The following DYNC2I1 variants were observed in gnomAD, a reference collection of about 807,000 sequenced individuals.
DYNC2I1 encodes dynein 2 intermediate chain 1.
DYNC2I1 carries 89 observed loss-of-function variants against 133.4 expected under a neutral mutation model. That is an observed-to-expected ratio of 0.67 (90% CI 0.56 to 0.80). DYNC2I1 has a LOEUF of 0.80. DYNC2I1 is among the 30% of genes least tolerant of loss of function. The pLI is 0.00. For missense variants in DYNC2I1, 1,291 were observed against 1,314.5 expected, an observed-to-expected ratio of 0.98 and a Z score of 0.28; for synonymous variants, 504 against 484.3, an observed-to-expected ratio of 1.04 and a Z score of -0.54.
Position 158,856,595 on chromosome 7 carries a change from G to C in DYNC2I1, c.-141G>C, listed in dbSNP as rs1174011187. 11 of 861,934 alleles carry C rather than the reference G, an allele frequency of 1.3e-5. No individual in the cohort carries two copies. The South Asian group carries it at 6.7e-4, about 52-fold the overall frequency. The allele number at this position is 861,934 out of a possible 1,614,324, so 53.4% of individuals were successfully genotyped here. On this transcript the variant is annotated 5_prime_UTR_variant, in exon 1 of 25. Transcript: ENST00000407559. Reference sequence around the variant, plus strand: ...AGGGCACGCTGGGCAGTGCTTCTGGGCCCTCTGCTGCTCCTGCTTGTCGGT... The same window carrying C: ...AGGGCACGCTGGGCAGTGCTTCTGGCCCCTCTGCTGCTCCTGCTTGTCGGT...
In DYNC2I1 at chr7:158,879,993, C is replaced by A; in HGVS notation, c.879+4C>A. On this transcript the variant is annotated splice_donor_region_variant and intron_variant, in intron 5 of 24. Coordinates refer to ENST00000407559, the MANE Select transcript of DYNC2I1 (RefSeq NM_018051.5). ...GCCCAGGAAAAGGGAATCCCAGGTA[C>A]CCCTTCTGATGCTTCGTTGCCTTAG... is the stretch of plus-strand genomic sequence containing the variant. The A allele has an allele frequency of 1.3e-6, 2 of 1,584,436 alleles. No individual in the cohort carries two copies. The highest frequency in any genetic ancestry group is 1.7e-6 in the Non-Finnish European group (2 of 1,170,058).
downstream of DYNC2I1, among the ~76,000 whole-genome samples, chr7:158,948,112 A>G (rs1377795330): frequency 1.3e-5 from 2 of 152,190 alleles, no homozygotes; most frequent in South Asian, 2.1e-4. Context: ...GGGATCTTCC[A>G]GAGGAAGGTG....
chr7:158,905,696 A>C (rs1333051928), intron 10 of DYNC2I1, among the ~76,000 whole-genome samples: 1 of 151,900 alleles, frequency 6.6e-6, no homozygotes. Flanking sequence ...AATGGGCGGG[A>C]TGGGGGCTTA....
At position 158,941,824 on chromosome 7, in the gene DYNC2I1, C is replaced by T. The variant is rs908817746; in HGVS notation, c.2779-101C>T. On this transcript the variant is annotated intron_variant, in intron 23 of 24. Transcript: ENST00000407559. ...GCCCGGGAGGTCAAGCTGCCATGAG[C>T]TGTGATTGCACCACTGCACTCCAGG... 6 of 1,368,906 alleles carry T rather than the reference C, an allele frequency of 4.4e-6. No individual in the cohort carries two copies. In the Admixed American group the frequency reaches 1.0e-4, roughly 23 times the overall value. 84.8% of individuals were successfully genotyped at this position (1,368,906 alleles called of 1,614,324 possible).
intron 8 of DYNC2I1, among the ~76,000 whole-genome samples, chr7:158,898,087 A>C (rs28870528): frequency 0.022 from 3,334 of 152,270 alleles, 116 homozygotes; most frequent in African/African-American, 0.075. Flanking sequence ...GTGTGATTCC[A>C]TTGTGACCTG....
At chr7:158,854,692 T>G (rs536771045), upstream of DYNC2I1, among the ~76,000 whole-genome samples, 1 of 152,304 alleles carries the variant, frequency 6.6e-6, no homozygotes, top group East Asian at 1.9e-4. Flanking sequence ...CTGTTATCTT[T>G]CTTTCAAAGT....
chr7:158,917,756 C>T (rs1399159238), intron 14 of DYNC2I1, among the ~76,000 whole-genome samples: 1 of 152,154 alleles, frequency 6.6e-6, no homozygotes, highest in African/African-American at 2.4e-5. Context: ...CCTTTTCTTG[C>T]CCGTTCCCAT....
chr7:158,944,189 G>GGCAGGGCCC (rs1232873127), intron 24 of DYNC2I1, among the ~76,000 whole-genome samples: 1 of 152,180 alleles, frequency 6.6e-6, no homozygotes, highest in African/African-American at 2.4e-5. Flanking sequence ...GTGGGGAACA[G>GGCAGGGCCC]GCAGGGCCCT....
chr7:158,868,319 A>G lies in DYNC2I1; in HGVS notation c.16-1536A>G, dbSNP rs545563059. The stretch of plus-strand genomic sequence containing the variant: ...CGGCACGCACAGTGTGGATTCTCTA[A>G]TGGCTGGTGGTCGTGAGGCGCTGCG... On this transcript the variant is annotated intron_variant, in intron 1 of 24. Transcript: ENST00000407559. Among the ~76,000 whole-genome samples, 3 of 152,212 alleles carry G rather than the reference A, an allele frequency of 2.0e-5. No homozygotes were observed. In the South Asian group the frequency reaches 6.2e-4, roughly 32 times the overall value.
At chr7:158,934,056 C>T in intron 21 of DYNC2I1, 73 bp from the exon 22 acceptor site, 1 of 1,029,596 alleles carries the variant, frequency 9.7e-7, no homozygotes, top group Non-Finnish European at 1.5e-6. Context: ...TAGTGCAAAT[C>T]AGTGTTAATA....
intron 8 of DYNC2I1, among the ~76,000 whole-genome samples, chr7:158,899,486 TC>T (rs1465437473): frequency 6.6e-6 from 1 of 152,236 alleles, no homozygotes; most frequent in African/African-American, 2.4e-5. Flanking sequence ...TTCCATCTTT[TC>T]TTTTTTTTAT....
downstream of DYNC2I1, among the ~76,000 whole-genome samples, chr7:158,950,829 A>G (rs1852032835): frequency 6.7e-6 from 1 of 149,872 alleles, no homozygotes; most frequent in East Asian, 2.0e-4. Context: ...CAGCCTCTAT[A>G]TGATTCCAGG....
chr7:158,868,243 C>T (rs1842578694), intron 1 of DYNC2I1, among the ~76,000 whole-genome samples: 1 of 152,188 alleles, frequency 6.6e-6, no homozygotes, highest in African/African-American at 2.4e-5. Context: ...CCCTCAGATG[C>T]TTAGAACAGT....
chr7:158,938,361 G>A (rs931260627), intron 23 of DYNC2I1, among the ~76,000 whole-genome samples: 2 of 152,122 alleles, frequency 1.3e-5, no homozygotes, highest in African/African-American at 2.4e-5. Flanking sequence ...CAAGAATACC[G>A]TATCCAGCAA....
chr7:158,892,266 G>A (rs529053251), intron 8 of DYNC2I1, among the ~76,000 whole-genome samples: 3 of 152,094 alleles, frequency 2.0e-5, no homozygotes, highest in Non-Finnish European at 2.9e-5. Flanking sequence ...GTTAGTTTTC[G>A]TTGAAAATTC....
intron 7 of DYNC2I1, among the ~76,000 whole-genome samples, chr7:158,889,791 G>T (rs968734205): frequency 6.6e-6 from 1 of 151,880 alleles, no homozygotes; most frequent in Non-Finnish European, 1.5e-5. Flanking sequence ...ATCATCTGAG[G>T]TCAGGAGTTT....
intron 7 of DYNC2I1, among the ~76,000 whole-genome samples, chr7:158,889,057 A>ACC (rs896851418): frequency 6.7e-6 from 1 of 150,358 alleles, no homozygotes; most frequent in African/African-American, 2.4e-5. Flanking sequence ...ACACACACAC[A>ACC]CACACACACC....
intron 8 of DYNC2I1, among the ~76,000 whole-genome samples, chr7:158,896,866 G>GT (rs71523866): frequency 2.6e-3 from 374 of 143,958 alleles, no homozygotes; most frequent in Non-Finnish European, 3.6e-3. Flanking sequence ...TTGGTCTGTA[G>GT]TTTTTTTTTT....
chr7:158,917,008 A>G (rs373648289), intron 14 of DYNC2I1, among the ~76,000 whole-genome samples: 3,584 of 50,226 alleles, frequency 0.071, no homozygotes, highest in Non-Finnish European at 0.11. Flanking sequence ...TGATTGTGAA[A>G]CGTCGACACG....
Sources: allele counts gnomAD v4.1 joint callset (sites outside exome capture counted in the v4.1 genomes callset), GRCh38; gene constraint gnomAD v4.1.1; transcripts MANE v1.5; gene names NCBI Gene and HGNC (gene_info 2026-07-23, HGNC 2026-07-21).